TRMO: variants seen among roughly 807,000 people sequenced by gnomAD.
The protein encoded by TRMO is tRNA (adenine(37)-N6)-methyltransferase.
A neutral mutation model predicts 37.2 loss-of-function variants in TRMO; 30 were observed. That is an observed-to-expected ratio of 0.81 (90% CI 0.60 to 1.09). The LOEUF (loss-of-function observed/expected upper bound fraction) is 1.09. Among genes scored for constraint, TRMO ranks in the 50% least tolerant of loss-of-function variants. The pLI is 0.00. For missense variants in TRMO, 552 were observed against 549.5 expected, an observed-to-expected ratio of 1.00 and a Z score of -0.05; for synonymous variants, 239 against 199.4, an observed-to-expected ratio of 1.20 and a Z score of -1.67.
intron 1 of TRMO, among the ~76,000 whole-genome samples, chr9:97,919,448 G>C (rs1052021081): frequency 3.3e-5 from 5 of 151,518 alleles, no homozygotes; most frequent in Admixed American, 6.6e-5. Flanking sequence ...GGAAAGAAAG[G>C]AAAGAAAAGA....
chr9:97,905,019 G>T, intron 4 of TRMO, 27 bp from the exon 5 acceptor site: 1 of 1,607,136 alleles, frequency 6.2e-7, no homozygotes, highest in South Asian at 1.1e-5. Context: ...ACAACTTAAT[G>T]AGCACTATCA....
chr9:97,904,640 G>A lies in TRMO; in HGVS notation c.*93C>T. On this transcript the variant is annotated 3_prime_UTR_variant, in exon 5 of 5. Transcript: ENST00000375119. ...AATCAAAGCCATGAGATCACAAAGT[G>A]TTGCTTCTCGACACAACATTAGCTT... 8 of 1,547,906 alleles carry A rather than the reference G, an allele frequency of 5.2e-6. No homozygotes were observed. The highest frequency in any genetic ancestry group is 6.1e-6 in the Non-Finnish European group (7 of 1,150,200).
At chr9:97,916,703 TTC>T (rs1826378805) in intron 1 of TRMO, among the ~76,000 whole-genome samples, 1 of 133,244 alleles carries the variant, frequency 7.5e-6, no homozygotes, top group Admixed American at 7.7e-5. Flanking sequence ...GCGTATTTCT[TTC>T]TTTTTTTTTT....
chr9:97,910,934 T>C, intron 3 of TRMO: 2 of 529,356 alleles, frequency 3.8e-6, no homozygotes, highest in Non-Finnish European at 7.3e-6. Context: ...TAGAGCGCTT[T>C]CCCCACGGTA....
At chr9:97,907,186 T>C (rs1825890798) in intron 4 of TRMO, among the ~76,000 whole-genome samples, 1 of 152,210 alleles carries the variant, frequency 6.6e-6, no homozygotes, top group Admixed American at 6.5e-5. Flanking sequence ...TGTCCAGAAG[T>C]GCAGGGGGTG....
intron 1 of TRMO, among the ~76,000 whole-genome samples, chr9:97,921,423 A>ATTT (rs1205049397): frequency 3.2e-4 from 45 of 140,260 alleles, no homozygotes; most frequent in African/African-American, 9.4e-4. Context: ...CAAAGTGTTA[A>ATTT]TTTTTTTTTT....
At chr9:97,909,597 A>G (rs974817043) in intron 4 of TRMO, among the ~76,000 whole-genome samples, 2 of 152,218 alleles carry the variant, frequency 1.3e-5, no homozygotes, top group Non-Finnish European at 2.9e-5. Context: ...AGTAAAACAA[A>G]TAAGAAAACT....
At chr9:97,904,218 T>C (rs1027769419), downstream of TRMO, among the ~76,000 whole-genome samples, 4 of 152,270 alleles carry the variant, frequency 2.6e-5, no homozygotes, top group Admixed American at 1.3e-4. Flanking sequence ...TATATACATA[T>C]ATATATGTGT....
chr9:97,913,310 G>A (rs538115666), intron 3 of TRMO, 91 bp downstream of exon 3: 46 of 1,451,344 alleles, frequency 3.2e-5, no homozygotes, highest in South Asian at 2.2e-4. Flanking sequence ...ATTGGTACTC[G>A]TCTGAATAAA....
At chr9:97,916,869 CTTT>C (rs572431064) in intron 1 of TRMO, among the ~76,000 whole-genome samples, 1 of 138,268 alleles carries the variant, frequency 7.2e-6, no homozygotes, top group Non-Finnish European at 1.6e-5. Context: ...CCACGCTCAA[CTTT>C]TTTTTTTTTT....
chr9:97,907,852 C>T (rs999881222), intron 4 of TRMO, among the ~76,000 whole-genome samples: 7 of 152,182 alleles, frequency 4.6e-5, no homozygotes, highest in African/African-American at 1.2e-4. Context: ...ATGCACCCTC[C>T]ACTTTGCGGC....
At chr9:97,904,234 A>C (rs1825761494), downstream of TRMO, among the ~76,000 whole-genome samples, 1 of 152,160 alleles carries the variant, frequency 6.6e-6, no homozygotes, top group Non-Finnish European at 1.5e-5. Context: ...TGTGTGTGTG[A>C]CTATGTCACA....
chr9:97,918,226 CAA>C (rs1026356395), intron 1 of TRMO, among the ~76,000 whole-genome samples: 6 of 137,698 alleles, frequency 4.4e-5, no homozygotes, highest in Admixed American at 7.3e-5. Flanking sequence ...ACTAGAAGTA[CAA>C]AAAAAAAAAA....
At position 97,922,440 on chromosome 9, in the gene TRMO, G is replaced by A; in HGVS notation, c.54C>T (p.Cys18=). The stretch of plus-strand genomic sequence containing the variant: ...TACCTGTCTCCAGAGCCGGCTTAAC[G>A]CAGCCGCACGGGGTCGCTGTAGGCC... ...GPRPTATPCG[C]VKPALETGNL... Residue 18 remains cysteine, a synonymous_variant, in exon 1 of 5, where the codon TGC becomes TGT. Coordinates refer to ENST00000375119, the MANE Select transcript of TRMO (RefSeq NM_016481.5). The A allele has an allele frequency of 6.3e-7, 1 of 1,586,438 alleles. No individual in the cohort carries two copies. The highest frequency in any genetic ancestry group is 1.1e-5 in the South Asian group (1 of 87,210).
downstream of TRMO, among the ~76,000 whole-genome samples, chr9:97,903,212 G>A (rs2131509867): frequency 6.6e-6 from 1 of 152,050 alleles, no homozygotes; most frequent in Admixed American, 6.5e-5. Flanking sequence ...AGGCTGCAGT[G>A]AGCTATGATC....
At chr9:97,915,369 T>C (rs1301587534) in intron 2 of TRMO, among the ~76,000 whole-genome samples, 2 of 152,236 alleles carry the variant, frequency 1.3e-5, no homozygotes, top group Non-Finnish European at 2.9e-5. Flanking sequence ...AACCAGTCAC[T>C]ATAGAGACTA....
At chr9:97,897,060 C>T in the TRMO span, among the ~76,000 whole-genome samples, 1 of 152,178 alleles carries the variant, frequency 6.6e-6, no homozygotes, top group Non-Finnish European at 1.5e-5. Flanking sequence ...GATGTGCAAA[C>T]ATGGGTTGTA....
At position 97,904,561 on chromosome 9, in the gene TRMO, T is replaced by C. The variant is rs2282190; in HGVS notation, c.*172A>G. 4,329 of 1,437,694 alleles carry C rather than the reference T, an allele frequency of 3.0e-3. 142 individuals are homozygous for C. The East Asian group carries it at 0.075, about 25-fold the overall frequency. The allele number at this position is 1,437,694 out of a possible 1,614,324, so 89.1% of individuals were successfully genotyped here. On this transcript the variant is annotated 3_prime_UTR_variant, in exon 5 of 5. Transcript: ENST00000375119. ...TTTCTCTGTATTTTATATCTCTTTG[T>C]TAAGTTTATTAATGTATACGTTTTT...
chr9:97,916,421 G>C, intron 1 of TRMO, 83 bp from the exon 2 acceptor site: 2 of 927,132 alleles, frequency 2.2e-6, no homozygotes, highest in Admixed American at 2.7e-5. Flanking sequence ...TAATGCATTG[G>C]TTTCATAGTT....
Sources: gnomAD v4.1 joint callset for allele counts (sites outside exome capture counted in the v4.1 genomes callset) on GRCh38, gnomAD v4.1.1 for gene constraint, MANE v1.5 for transcripts, NCBI Gene and HGNC (gene_info 2026-07-23, HGNC 2026-07-21) for gene names.